The following ADGRV1 variants were observed in gnomAD, a reference collection of about 807,000 sequenced individuals.
The protein encoded by ADGRV1 is G-protein coupled receptor 98.
A neutral mutation model predicts 596.2 loss-of-function variants in ADGRV1; 359 were observed. The ratio of observed to expected loss-of-function variants is 0.60; its 90% CI spans 0.55 to 0.66. The LOEUF is 0.66. ADGRV1 is among the 30% of genes least tolerant of loss of function. The probability of loss-of-function intolerance (pLI) is 0.00; values close to 1 mark genes in which losing one functional copy is unlikely to be tolerated. For synonymous variants in ADGRV1, 2,681 were observed against 2,679.2 expected, an observed-to-expected ratio of 1.00 and a Z score of -0.02; for missense variants, 7,274 against 7,575.6, an observed-to-expected ratio of 0.96 and a Z score of 1.48.
At chr5:90,774,344 C>A (rs535174112) in intron 60 of ADGRV1, 41 bp downstream of exon 60, 8 of 1,150,884 alleles carry the variant, frequency 7.0e-6, no homozygotes, top group African/African-American at 4.6e-5. Flanking sequence ...AAAGTAAATT[C>A]TCAGAAAAAA....
At chr5:90,763,269 T>C (rs1374640879) in intron 58 of ADGRV1, 36 bp from the exon 59 acceptor site, 2 of 1,431,678 alleles carry the variant, frequency 1.4e-6, no homozygotes, top group Non-Finnish European at 1.9e-6. Context: ...TTTTGTTTTT[T>C]TTTTTGTTTG....
At chr5:90,661,787 ATGTT>A (rs1278004743) in intron 21 of ADGRV1, among the ~76,000 whole-genome samples, 1 of 152,166 alleles carries the variant, frequency 6.6e-6, no homozygotes, top group Non-Finnish European at 1.5e-5. Context: ...ACTGGCCTAA[ATGTT>A]TGTTTGTATC....
chr5:90,645,136 C>T (rs546618161), intron 15 of ADGRV1, among the ~76,000 whole-genome samples: 9 of 152,184 alleles, frequency 5.9e-5, no homozygotes, highest in South Asian at 2.1e-4. Context: ...GCGAAGCCCT[C>T]GGCTTGTATT....
At chr5:91,137,137 C>CT in intron 87 of ADGRV1, among the ~76,000 whole-genome samples, 1 of 152,028 alleles carries the variant, frequency 6.6e-6, no homozygotes, top group African/African-American at 2.4e-5. Flanking sequence ...TTCTTTTATC[C>CT]TTTTTTCTTT....
chr5:90,873,389 G>A (rs567770057), intron 83 of ADGRV1, among the ~76,000 whole-genome samples: 1 of 152,302 alleles, frequency 6.6e-6, no homozygotes, highest in Non-Finnish European at 1.5e-5. Context: ...CAACAACCAA[G>A]TGGGTTTTGT....
rs1300795240 is a variant in ADGRV1 at position 90,658,082 on chromosome 5, G to A, written c.4556G>A (p.Gly1519Glu). ...PISGYLEFRQ[G>E]ETNKSFIISA... is the part of the protein sequence containing the mutation. ...TCTGGATATCTGGAGTTCAGACAGG[G>A]AGAAACTAACAAATCATTCATTATT... The change falls in exon 21 of 90, where the codon GGA becomes GAA. Residue 1519 changes from glycine to glutamate, a missense_variant. Physicochemically the swap from Gly to Glu is moderately conservative, Grantham distance 98 (BLOSUM62 -2). Around this residue, in one of 5 missense-constraint regions of ADGRV1, gnomAD observed 3,643 missense variants for 3,809.2 expected, o/e 0.96. Transcript: ENST00000405460. 1.9e-5 allele frequency: 31 copies of A among 1,613,878 alleles called. No individual in the cohort carries two copies. The highest frequency in any genetic ancestry group is 2.6e-5 in the Non-Finnish European group (31 of 1,179,832).
intron 86 of ADGRV1, among the ~76,000 whole-genome samples, chr5:91,073,606 G>C (rs560207207): frequency 6.6e-6 from 1 of 152,276 alleles, no homozygotes; most frequent in South Asian, 2.1e-4. Context: ...ACACTCGTTT[G>C]TATTACTTTG....
intron 89 of ADGRV1, among the ~76,000 whole-genome samples, chr5:91,156,706 C>A (rs1451984759): frequency 1.3e-5 from 2 of 152,038 alleles, no homozygotes; most frequent in Non-Finnish European, 2.9e-5. Context: ...CTTTAAAAGA[C>A]CAAAATAACA....
intron 86 of ADGRV1, among the ~76,000 whole-genome samples, chr5:91,088,240 T>C (rs1790057373): frequency 6.6e-6 from 1 of 152,238 alleles, no homozygotes; most frequent in Non-Finnish European, 1.5e-5. Context: ...TTGATTCTTA[T>C]ACTCATTGAA....
At chr5:90,571,154 G>A (rs1249938704) in intron 1 of ADGRV1, among the ~76,000 whole-genome samples, 1 of 152,038 alleles carries the variant, frequency 6.6e-6, no homozygotes, top group Non-Finnish European at 1.5e-5. Context: ...GGCCATTGCA[G>A]TCTCTGCTTG....
At chr5:90,772,682 CA>C (rs1486171173) in intron 59 of ADGRV1, among the ~76,000 whole-genome samples, 1 of 151,914 alleles carries the variant, frequency 6.6e-6, no homozygotes, top group Non-Finnish European at 1.5e-5. Flanking sequence ...GACAAATGTG[CA>C]AATAAGGAAT....
intron 85 of ADGRV1, among the ~76,000 whole-genome samples, chr5:91,051,616 G>A (rs1005498093): frequency 6.2e-5 from 9 of 144,512 alleles, no homozygotes; most frequent in Non-Finnish European, 4.5e-5. Flanking sequence ...GCGCGATCTC[G>A]GCTCACTGCA....
At chr5:90,941,136 T>C (rs933860397) in intron 83 of ADGRV1, among the ~76,000 whole-genome samples, 11 of 92,218 alleles carry the variant, frequency 1.2e-4, no homozygotes, top group Non-Finnish European at 2.7e-4. Context: ...GGAAAAGTAC[T>C]TAAAAAAAAA....
rs1777704833 is a variant in ADGRV1, at chr5:90,958,524, A to G, written c.17857-6891A>G. Among the ~76,000 whole-genome samples, 3 of 141,708 alleles carry G rather than the reference A, an allele frequency of 2.1e-5. No homozygotes were observed. The South Asian group carries it at 6.5e-4, about 31-fold the overall frequency. The allele number at this position is 141,708 out of a possible 152,430, so 93.0% of individuals were successfully genotyped here. The stretch of plus-strand genomic sequence containing the variant: ...TAGGGCTGCCATAGCAAAGTAACAC[A>G]GACTGGATGGCTTTAACAACACTAA... On this transcript the variant is annotated intron_variant, in intron 83 of 89. Coordinates refer to ENST00000405460, the MANE Select transcript of ADGRV1 (RefSeq NM_032119.4).
chr5:90,702,400 A>T (rs1748020924), intron 34 of ADGRV1, among the ~76,000 whole-genome samples: 1 of 151,938 alleles, frequency 6.6e-6, no homozygotes, highest in African/African-American at 2.4e-5. Context: ...GTGTTTTAAG[A>T]AGCCTTTCTA....
chr5:90,861,306 T>G (rs1177290718), intron 82 of ADGRV1, among the ~76,000 whole-genome samples: 1 of 146,714 alleles, frequency 6.8e-6, no homozygotes, highest in African/African-American at 2.6e-5. Context: ...ATTTATCTAT[T>G]TTTTTTTTGT....
At chr5:90,929,097 C>T (rs1463760987) in intron 83 of ADGRV1, 4 of 151,766 alleles carry the variant, frequency 2.6e-5, no homozygotes, top group Non-Finnish European at 4.4e-5. Context: ...TTGTCTGTGC[C>T]CTGCCCCCAG....
chr5:90,916,874 C>T (rs1241374301), intron 83 of ADGRV1, among the ~76,000 whole-genome samples: 1 of 151,836 alleles, frequency 6.6e-6, no homozygotes, highest in Non-Finnish European at 1.5e-5. Context: ...CCTCGTGATC[C>T]GCCCGCCTCG....
At chr5:91,148,300 G>T (rs1051512838) in intron 87 of ADGRV1, among the ~76,000 whole-genome samples, 1 of 152,124 alleles carries the variant, frequency 6.6e-6, no homozygotes, top group East Asian at 1.9e-4. Context: ...GACCTTCACC[G>T]CAGCCCCTCC....
Sources: allele counts gnomAD v4.1 joint callset (sites outside exome capture counted in the v4.1 genomes callset), GRCh38; gene constraint gnomAD v4.1.1; regional missense constraint gnomAD v4.1.1; transcripts MANE v1.5; gene names NCBI Gene and HGNC (gene_info 2026-07-23, HGNC 2026-07-21).